Variants in AK1 observed in about 807,000 individuals in gnomAD.
The protein encoded by AK1 is adenylate kinase isoenzyme 1.
In AK1, 13 loss-of-function variants were observed where a neutral mutation model predicts 23.9. That is an observed-to-expected ratio of 0.54 (90% CI 0.35 to 0.86). The LOEUF (loss-of-function observed/expected upper bound fraction) is 0.86. Among genes scored for constraint, AK1 ranks in the 40% least tolerant of loss-of-function variants. AK1 has a pLI of 0.01. For missense variants in AK1, 214 were observed against 255.1 expected (o/e 0.84, Z 1.10); for synonymous variants, 97 against 102.8 (o/e 0.94, Z 0.34).
At chr9:127,875,091 A>T (rs1189439411) in intron 1 of AK1, 1 of 242,350 alleles carries the variant, frequency 4.1e-6, no homozygotes, top group Non-Finnish European at 8.3e-6. Flanking sequence ...AGGAGGTGGG[A>T]GGTGGCCAGG....
upstream of AK1, among the ~76,000 whole-genome samples, chr9:127,878,785 GA>G (rs1829590578): frequency 6.6e-6 from 1 of 152,170 alleles, no homozygotes; most frequent in African/African-American, 2.4e-5. Context: ...TACTTCTTGG[GA>G]CCTTAGTTTC....
rs1234565716 is a variant in AK1, at chr9:127,877,037, G to A, written c.-33+586C>T. ...TCCATCACTCAGCTGTGTGACCTTG[G>A]GCAGTTGGTGTCCCCTCTCTGGGCC... On this transcript the variant is annotated intron_variant, in intron 1 of 6. Transcript: ENST00000644144. This position sits in a 1 kb window ranked among gnomAD's most constrained non-coding sequence, Gnocchi z 5.2. Among the ~76,000 whole-genome samples the A allele has an allele frequency of 4.6e-5, 7 of 152,198 alleles. No individual in the cohort carries two copies. Among genetic ancestry groups the A allele is most frequent in the African/African-American group, 1.7e-4 (7 of 41,450 alleles).
chr9:127,872,346 G>T (rs200596587), intron 4 of AK1, among the ~76,000 whole-genome samples: 3 of 152,122 alleles, frequency 2.0e-5, no homozygotes, highest in Admixed American at 6.6e-5. Flanking sequence ...GAAAATTGGG[G>T]GGGGAGGTCT....
At chr9:127,874,548 AC>A (rs1255474532) in intron 2 of AK1, 62 bp downstream of exon 2, 1 of 1,611,748 alleles carries the variant, frequency 6.2e-7, no homozygotes, top group Non-Finnish European at 8.5e-7. Flanking sequence ...CTGAGAGCGC[AC>A]CCCCTTAATA....
At position 127,868,283 on chromosome 9, in the gene AK1, G is replaced by T. The variant is rs562739326; in HGVS notation, c.516+38C>A. 2 of 1,549,058 alleles carry T rather than the reference G, an allele frequency of 1.3e-6. No individual in the cohort carries two copies. The highest frequency in any genetic ancestry group is 2.7e-5 in the African/African-American group (2 of 73,300). ...CTGAGGCGGAGCCACATAGGAACCC[G>T]TTCTTCCCGGAGCTGCCCCTGGGCC... is the stretch of plus-strand genomic sequence containing the variant. On this transcript the variant is annotated intron_variant, in intron 6 of 6. Coordinates refer to ENST00000644144, the MANE Select transcript of AK1 (RefSeq NM_000476.3). This position sits in a 1 kb window ranked among gnomAD's most constrained non-coding sequence, Gnocchi z 4.1.
At position 127,877,222 on chromosome 9, in the gene AK1, C is replaced by T. The variant is rs1046738206; in HGVS notation, c.-33+401G>A. 4.6e-5 allele frequency among the ~76,000 whole-genome samples: 7 copies of T among 152,118 alleles called. No homozygotes were observed. The highest frequency in any genetic ancestry group is 1.2e-4 in the African/African-American group (5 of 41,402). Reference sequence around the variant, plus strand: ...GAAGTGGAGTGACACGATAGCCCTACGGAGCACAGAGGCTGCCCCTGTCCA... The same window carrying T: ...GAAGTGGAGTGACACGATAGCCCTATGGAGCACAGAGGCTGCCCCTGTCCA... On this transcript the variant is annotated intron_variant, in intron 1 of 6. Transcript: ENST00000644144. This position sits in a 1 kb window ranked among gnomAD's most constrained non-coding sequence, Gnocchi z 5.2.
intron 1 of AK1, among the ~76,000 whole-genome samples, chr9:127,876,380 C>A (rs1025567073): frequency 7.9e-5 from 12 of 152,216 alleles, no homozygotes; most frequent in African/African-American, 2.9e-4. Context: ...TGGGAGGAAA[C>A]TGAGGCATGG....
chr9:127,877,001 C>T lies in AK1; in HGVS notation c.-33+622G>A, dbSNP rs1443677220. ...CAGTGGGTGGCAACTGACTAGGGTT[C>T]GAATCCCAGCTCCATCACTCAGCTG... On this transcript the variant is annotated intron_variant, in intron 1 of 6. Transcript: ENST00000644144. The surrounding 1 kb of genome is among the most constrained non-coding windows in gnomAD (Gnocchi z 5.2). Among the ~76,000 whole-genome samples the T allele has an allele frequency of 1.3e-5, 2 of 152,290 alleles. No individual in the cohort carries two copies. The highest frequency in any genetic ancestry group is 2.1e-4 in the South Asian group (1 of 4,824).
At chr9:127,878,801 TC>T (rs1336382989), upstream of AK1, among the ~76,000 whole-genome samples, 4 of 152,154 alleles carry the variant, frequency 2.6e-5, no homozygotes, top group Non-Finnish European at 4.4e-5. Context: ...AGTTTCCCCA[TC>T]TGTGGGGGGG....
At chr9:127,874,739 G>T in intron 1 of AK1, 90 bp from the exon 2 acceptor site, 2 of 1,301,660 alleles carry the variant, frequency 1.5e-6, no homozygotes, top group Admixed American at 1.8e-5. Flanking sequence ...ACTGGTGTGT[G>T]CCAGGCCCGA....
rs4226 is a variant in AK1 at position 127,867,954 on chromosome 9, G to T, written c.*54C>A. 0.78 allele frequency: 1,228,563 copies of T among 1,578,842 alleles called. 484,622 individuals are homozygous for T. Among genetic ancestry groups the T allele is most frequent in the East Asian group, 0.88 (39,250 of 44,692 alleles). On this transcript the variant is annotated 3_prime_UTR_variant, in exon 7 of 7. Coordinates refer to ENST00000644144, the MANE Select transcript of AK1 (RefSeq NM_000476.3). ...GCTGCGCTCAGGCCAGGAGGACCTC[G>T]AATCAGGACGGGGTGGGGCGGGGCT...
At position 127,873,990 on chromosome 9, in the gene AK1, G is replaced by A. The variant is rs77648429; in HGVS notation, c.7+621C>T. 9 of 985,282 alleles carry A rather than the reference G, an allele frequency of 9.1e-6. No individual in the cohort carries two copies. In the African/African-American group the frequency reaches 1.0e-4, roughly 11 times the overall value. 61.0% of individuals were successfully genotyped at this position (985,282 alleles called of 1,614,324 possible). A position where few individuals can be genotyped will look rare whatever the true frequency, so the allele number is the denominator to read the frequency against. On this transcript the variant is annotated intron_variant, in intron 2 of 6. Coordinates refer to ENST00000644144, the MANE Select transcript of AK1 (RefSeq NM_000476.3). The stretch of plus-strand genomic sequence containing the variant: ...GGCTCCTCCTGTGGGCCCCTATCCC[G>A]GGGGTGCAGTGGCCGCAGCCCTATG...
intron 2 of AK1, chr9:127,873,614 GC>G: frequency 7.1e-7 from 1 of 1,410,626 alleles, no homozygotes. Flanking sequence ...TGGAACTCTT[GC>G]CCAGAGAGGG....
intron 2 of AK1, chr9:127,874,407 C>G (rs532489415): frequency 2.0e-6 from 2 of 985,336 alleles, no homozygotes; most frequent in Admixed American, 6.1e-5. Flanking sequence ...CTTGGGGAGG[C>G]CTCGTCACGT....
upstream of AK1, among the ~76,000 whole-genome samples, chr9:127,878,644 G>T (rs569782923): frequency 4.1e-4 from 63 of 152,290 alleles, no homozygotes; most frequent in African/African-American, 1.5e-3. Context: ...GGAGCCATAG[G>T]AGGTATTTGA....
intron 5 of AK1, among the ~76,000 whole-genome samples, chr9:127,870,810 CATGGGAAT>C (rs1829379854): frequency 2.4e-4 from 4 of 16,340 alleles, no homozygotes; most frequent in African/African-American, 4.5e-4. Context: ...GGAGACGGGG[CATGGGAAT>C]GGGGCATGGG....
chr9:127,870,891 C>G (rs1030373189), intron 5 of AK1, among the ~76,000 whole-genome samples: 1 of 146,986 alleles, frequency 6.8e-6, no homozygotes, highest in African/African-American at 2.7e-5. Context: ...GTTAGGCTCC[C>G]CCTAGCCCTT....
intron 2 of AK1, chr9:127,873,999 G>A (rs535167029): frequency 2.0e-6 from 2 of 985,470 alleles, no homozygotes; most frequent in East Asian, 2.3e-4. Context: ...CGGGGGTGCA[G>A]TGGCCGCAGC....
At chr9:127,873,294 C>T in intron 2 of AK1, 1 of 1,532,958 alleles carries the variant, frequency 6.5e-7, no homozygotes. Context: ...CGGGCAGAGG[C>T]AAAAGCCTAA....
Sources: gnomAD v4.1 joint callset for allele counts (sites outside exome capture counted in the v4.1 genomes callset) on GRCh38, gnomAD v4.1.1 for gene constraint, Gnocchi (gnomAD v3.1) non-coding constraint, MANE v1.5 for transcripts, NCBI Gene and HGNC (gene_info 2026-07-23, HGNC 2026-07-21) for gene names.